CHEK2: variants seen among roughly 807,000 people sequenced by gnomAD.
CHEK2 encodes checkpoint kinase 2, also known as serine/threonine-protein kinase Chk2.
In CHEK2, 71 loss-of-function variants were observed where a neutral mutation model predicts 69.1. That is an observed-to-expected ratio of 1.03 (90% CI 0.85 to 1.25). The LOEUF is 1.25. Among genes scored for constraint, CHEK2 ranks in the 50% most tolerant of loss-of-function variants. The probability of loss-of-function intolerance (pLI) is 0.00; values close to 1 mark genes in which losing one functional copy is unlikely to be tolerated. For missense variants in CHEK2, 664 were observed against 649.6 expected (o/e 1.02, Z -0.24); for synonymous variants, 189 against 226.9 (o/e 0.83, Z 1.50).
chr22:28,714,416 T>C (rs1472163806), intron 5 of CHEK2, among the ~76,000 whole-genome samples: 2 of 152,188 alleles, frequency 1.3e-5, no homozygotes, highest in East Asian at 3.8e-4. Context: ...GTTTTGTTTT[T>C]AGAGACAGGA....
At chr22:28,726,064 C>T (rs1302984279) in intron 2 of CHEK2, among the ~76,000 whole-genome samples, 3 of 151,568 alleles carry the variant, frequency 2.0e-5, no homozygotes, top group African/African-American at 7.3e-5. Context: ...ATTAGCTGGG[C>T]GTGGTGGCGG....
At chr22:28,739,560 G>C (rs1486667376) in intron 1 of CHEK2, among the ~76,000 whole-genome samples, 2 of 151,934 alleles carry the variant, frequency 1.3e-5, no homozygotes, top group African/African-American at 2.4e-5. Context: ...ATGGTGGCAG[G>C]CGTCTATAAT....
At chr22:28,738,270 C>CTA (rs1473305179) in intron 1 of CHEK2, among the ~76,000 whole-genome samples, 2 of 152,156 alleles carry the variant, frequency 1.3e-5, no homozygotes, top group African/African-American at 4.8e-5. Flanking sequence ...GAAGGCAATG[C>CTA]CAAAACTGAG....
In CHEK2 at chr22:28,716,484, A is replaced by C. The variant is rs367635058; in HGVS notation, c.683+2911T>G. ...AGTGCTAGGATTACAGGTGTGAGCC[A>C]CCGTGCCCAGCCCATACATTTCTTA... On this transcript the variant is annotated intron_variant, in intron 5 of 14. Transcript: ENST00000404276. Among the ~76,000 whole-genome samples, 601 of 152,264 alleles carry C rather than the reference A, an allele frequency of 3.9e-3. 5 individuals carry two copies. Among genetic ancestry groups the C allele is most frequent in the African/African-American group, 0.014 (573 of 41,566 alleles).
At chr22:28,706,478 C>G (rs899553461) in intron 7 of CHEK2, among the ~76,000 whole-genome samples, 1 of 152,182 alleles carries the variant, frequency 6.6e-6, no homozygotes, top group South Asian at 2.1e-4. Flanking sequence ...GGGTCTCACT[C>G]TGCTGCCCAG....
Position 28,734,673 on chromosome 22 carries a change from C to T in CHEK2, c.49G>A (p.Ala17Thr). ...VEAQQSHGSSACSQPHGSVTQ... is the reference protein window; with the variant it reads ...VEAQQSHGSSTCSQPHGSVTQ... ...ACGCTGCCATGGGGCTGTGAACAGG[C>T]ACTGCTGCCATGAGACTGCTGAGCC... The change falls in exon 2 of 15, where the codon GCC (alanine) becomes ACC (threonine). Residue 17 changes from alanine to threonine, a missense_variant. Transcript: ENST00000404276. 6.2e-7 allele frequency: 1 copy of T among 1,613,784 alleles called. No homozygotes were observed. Among genetic ancestry groups the T allele is most frequent in the Non-Finnish European group, 8.5e-7 (1 of 1,180,004 alleles).
chr22:28,706,786 G>T (rs996981277), intron 7 of CHEK2, among the ~76,000 whole-genome samples: 1 of 152,170 alleles, frequency 6.6e-6, no homozygotes, highest in Non-Finnish European at 1.5e-5. Context: ...GAGCCTGGTG[G>T]TGGGCGCCTG....
chr22:28,709,375 T>C (rs933127894), intron 7 of CHEK2, among the ~76,000 whole-genome samples: 2 of 152,194 alleles, frequency 1.3e-5, no homozygotes, highest in Admixed American at 6.5e-5. Flanking sequence ...AAATTAACAC[T>C]GTCTTCTCTA....
intron 2 of CHEK2, among the ~76,000 whole-genome samples, chr22:28,732,517 G>T (rs1167448726): frequency 6.6e-6 from 1 of 152,136 alleles, no homozygotes; most frequent in Non-Finnish European, 1.5e-5. Flanking sequence ...AACGTGCTGG[G>T]ATTACAGGCA....
At chr22:28,701,215 G>A (rs1030665879) in intron 8 of CHEK2, among the ~76,000 whole-genome samples, 1 of 151,952 alleles carries the variant, frequency 6.6e-6, no homozygotes, top group Non-Finnish European at 1.5e-5. Flanking sequence ...GATCAGGGGT[G>A]TTTTTACCAT....
intron 1 of CHEK2, chr22:28,737,398 C>A: frequency 5.0e-6 from 2 of 397,792 alleles, no homozygotes; most frequent in Non-Finnish European, 1.0e-5. Flanking sequence ...GCTTTGGGGC[C>A]ATTATTAAAT....
At chr22:28,698,504 T>C (rs2052684311) in intron 9 of CHEK2, among the ~76,000 whole-genome samples, 2 of 152,160 alleles carry the variant, frequency 1.3e-5, no homozygotes, top group African/African-American at 4.8e-5. Flanking sequence ...AAATCTTTAC[T>C]GGGAAATGGA....
At chr22:28,736,004 A>G (rs1340388674) in intron 1 of CHEK2, among the ~76,000 whole-genome samples, 1 of 152,160 alleles carries the variant, frequency 6.6e-6, no homozygotes, top group Non-Finnish European at 1.5e-5. Context: ...GCTTGAGGGC[A>G]GGTGTTTGAG....
chr22:28,703,629 G>T, intron 7 of CHEK2, 63 bp from the exon 8 acceptor site: 1 of 1,033,442 alleles, frequency 9.7e-7, no homozygotes, highest in Non-Finnish European at 1.5e-6. Context: ...AACCACAAGA[G>T]CTTAGAACAT....
At chr22:28,715,602 T>C (rs1209926076) in intron 5 of CHEK2, among the ~76,000 whole-genome samples, 1 of 151,842 alleles carries the variant, frequency 6.6e-6, no homozygotes, top group African/African-American at 2.4e-5. Context: ...ATATTTTTAG[T>C]AGAGACAGGG....
chr22:28,711,446 A>T (rs1176555297), intron 6 of CHEK2, among the ~76,000 whole-genome samples: 1 of 152,184 alleles, frequency 6.6e-6, no homozygotes, highest in African/African-American at 2.4e-5. Flanking sequence ...TCTATGCTAT[A>T]ATGCATTTGT....
chr22:28,703,642 G>T, intron 7 of CHEK2, 76 bp from the exon 8 acceptor site: 1 of 930,700 alleles, frequency 1.1e-6, no homozygotes. Context: ...TAGAACATCT[G>T]CCCAGAGGGA....
At chr22:28,725,804 G>A (rs907445726) in intron 2 of CHEK2, among the ~76,000 whole-genome samples, 1 of 152,072 alleles carries the variant, frequency 6.6e-6, no homozygotes, top group Non-Finnish European at 1.5e-5. Context: ...AGCTACTCAG[G>A]AGGCTGAGGT....
intron 7 of CHEK2, among the ~76,000 whole-genome samples, chr22:28,707,830 CTTTTTTTTT>C (rs11453597): frequency 9.8e-6 from 1 of 102,464 alleles, no homozygotes; most frequent in Non-Finnish European, 1.8e-5. Flanking sequence ...TTGTGTTTAT[CTTTTTTTTT>C]TTTTTTTTTT....
Sources: gnomAD v4.1 joint callset for allele counts (sites outside exome capture counted in the v4.1 genomes callset) on GRCh38, gnomAD v4.1.1 for gene constraint, MANE v1.5 for transcripts, NCBI Gene and HGNC (gene_info 2026-07-23, HGNC 2026-07-21) for gene names.